ELAVL3: variants seen among roughly 807,000 people sequenced by gnomAD.
ELAVL3 encodes the protein ELAV-like protein 3.
ELAVL3 carries 8 observed loss-of-function variants against 34.2 expected under a neutral mutation model. That is an observed-to-expected ratio of 0.23 (90% CI 0.14 to 0.42). The LOEUF is 0.42. Ranked by LOEUF, ELAVL3 falls within the 10% of genes least tolerant of loss-of-function variation. The pLI, the probability that ELAVL3 is intolerant of heterozygous loss-of-function variation, is 1.00. For missense variants in ELAVL3, 273 were observed against 518.8 expected, an observed-to-expected ratio of 0.53 and a Z score of 4.60; for synonymous variants, 209 against 222.1, an observed-to-expected ratio of 0.94 and a Z score of 0.53.
In ELAVL3 at chr19:11,453,535, G is replaced by C. The variant is rs1288981744; in HGVS notation, c.*991C>G. The C allele has an allele frequency of 6.5e-6, 1 of 152,792 alleles. No homozygotes were observed. Among genetic ancestry groups the C allele is most frequent in the Non-Finnish European group, 1.5e-5 (1 of 68,060 alleles). The allele number at this position is 152,792 out of a possible 1,614,324, so 9.5% of individuals were successfully genotyped here. On this transcript the variant is annotated 3_prime_UTR_variant, in exon 7 of 7. Coordinates refer to ENST00000359227, the MANE Select transcript of ELAVL3 (RefSeq NM_001420.4). ...ATCGCTACATTCACGTGTGCACGTG[G>C]ACAGGTGGATGGATTCGTGTGCCCA...
At chr19:11,463,900 C>T (rs1008894219) in intron 3 of ELAVL3, among the ~76,000 whole-genome samples, 1 of 150,966 alleles carries the variant, frequency 6.6e-6, no homozygotes, top group Non-Finnish European at 1.5e-5. Context: ...GCCTGGGAGG[C>T]GGAGGTTGCA....
chr19:11,478,255 G>A (rs1428431255), intron 1 of ELAVL3, among the ~76,000 whole-genome samples: 1 of 152,144 alleles, frequency 6.6e-6, no homozygotes, highest in African/African-American at 2.4e-5. Context: ...AGAGGTGACT[G>A]GGTGGTTCAG....
chr19:11,472,590 A>G (rs946977901), intron 1 of ELAVL3, among the ~76,000 whole-genome samples: 21 of 151,512 alleles, frequency 1.4e-4, no homozygotes, highest in African/African-American at 4.4e-4. Flanking sequence ...GGTCCCAGGT[A>G]CTCAGGATGG....
intron 5 of ELAVL3, 49 bp from the exon 6 acceptor site, chr19:11,457,197 C>G: frequency 2.6e-6 from 4 of 1,528,924 alleles, no homozygotes; most frequent in African/African-American, 1.4e-5. Flanking sequence ...TCACGCCCCC[C>G]TGCTGTGACA....
chr19:11,464,008 A>C (rs1257520927), intron 3 of ELAVL3, among the ~76,000 whole-genome samples: 2 of 150,490 alleles, frequency 1.3e-5, no homozygotes, highest in African/African-American at 4.9e-5. Context: ...AAAAAAAAAA[A>C]CCTTATCCTA....
chr19:11,474,425 T>A (rs1445088651), intron 1 of ELAVL3, among the ~76,000 whole-genome samples: 1 of 152,104 alleles, frequency 6.6e-6, no homozygotes, highest in East Asian at 1.9e-4. Flanking sequence ...TGAAACCCTG[T>A]CTCTACTAAA....
At position 11,466,399 on chromosome 19, in the gene ELAVL3, C is replaced by T. The variant is rs1971053057; in HGVS notation, c.230-124G>A. The T allele has an allele frequency of 6.6e-6, 7 of 1,061,888 alleles. No homozygotes were observed. Among genetic ancestry groups the T allele is most frequent in the South Asian group, 1.4e-5 (1 of 71,434 alleles). The allele number at this position is 1,061,888 out of a possible 1,614,324, so 65.8% of individuals were successfully genotyped here. A position where few individuals can be genotyped will look rare whatever the true frequency, so the allele number is the denominator to read the frequency against. Reference sequence around the variant, plus strand: ...CCACCTTCCTGTTTCCAGATGACACCTTCGATGCTAGAGTCCCACCTGCCT... The same window carrying T: ...CCACCTTCCTGTTTCCAGATGACACTTTCGATGCTAGAGTCCCACCTGCCT... On this transcript the variant is annotated intron_variant, in intron 2 of 6. Transcript: ENST00000359227. This position sits in a 1 kb window ranked among gnomAD's most constrained non-coding sequence, Gnocchi z 5.0.
At chr19:11,456,181 C>CT (rs1223889194) in intron 6 of ELAVL3, among the ~76,000 whole-genome samples, 1 of 151,994 alleles carries the variant, frequency 6.6e-6, no homozygotes, top group Non-Finnish European at 1.5e-5. Context: ...TCTCAGCTCA[C>CT]TGCAACCTCC....
At chr19:11,470,291 G>C (rs1485235993) in intron 1 of ELAVL3, among the ~76,000 whole-genome samples, 1 of 152,170 alleles carries the variant, frequency 6.6e-6, no homozygotes, top group Non-Finnish European at 1.5e-5. Flanking sequence ...GGAAGTGGAG[G>C]CTGCAGTGAG....
intron 3 of ELAVL3, among the ~76,000 whole-genome samples, chr19:11,461,563 C>T (rs1970886384): frequency 6.8e-6 from 1 of 147,428 alleles, no homozygotes; most frequent in Admixed American, 6.9e-5. Context: ...CCCTTCCTTC[C>T]TTTCCTCTTT....
At position 11,452,485 on chromosome 19, in the gene ELAVL3, TTC is replaced by T. The variant is rs1284248804; in HGVS notation, c.*2039_*2040del. The T allele has an allele frequency of 6.6e-6, 1 of 151,606 alleles. No individual in the cohort carries two copies. The highest frequency in any genetic ancestry group is 2.4e-5 in the African/African-American group (1 of 41,078). The allele number at this position is 151,606 out of a possible 1,614,324, so 9.4% of individuals were successfully genotyped here. A position where few individuals can be genotyped will look rare whatever the true frequency, so the allele number is the denominator to read the frequency against. On this transcript the variant is annotated 3_prime_UTR_variant, in exon 7 of 7. Transcript: ENST00000359227. The stretch of plus-strand genomic sequence containing the variant: ...GTGCCAGTTTATGTCTTTTTTTTTT[TTC>T]CTTTTTTTTTTTTAAATCTCTTCTG...
chr19:11,476,309 C>CAGGAAGAT (rs1971262146), intron 1 of ELAVL3, among the ~76,000 whole-genome samples: 1 of 152,044 alleles, frequency 6.6e-6, no homozygotes, highest in Non-Finnish European at 1.5e-5. Flanking sequence ...GAGGCTGAGA[C>CAGGAAGAT]AGGAAGATCA....
At position 11,454,571 on chromosome 19, in the gene ELAVL3, G is replaced by A. The variant is rs191710732; in HGVS notation, c.1059C>T (p.Arg353=). The A allele has an allele frequency of 8.1e-5, 131 of 1,613,922 alleles. No individual in the cohort carries two copies. The East Asian group carries it at 2.1e-3, about 26-fold the overall frequency. ...ASLNGYRLGE[R]VLQVSFKTSK... ...TGGTCTTGAAGGAGACCTGCAGCAC[G>A]CGCTCGCCCAGGCGATAGCCGTTCA... Residue 353 remains arginine (R), a synonymous_variant, in exon 7 of 7, where the codon CGC becomes CGT. Transcript: ENST00000359227. The surrounding 1 kb of genome is among the most constrained non-coding windows in gnomAD (Gnocchi z 9.2).
At chr19:11,457,349 C>A (rs993001320) in intron 5 of ELAVL3, among the ~76,000 whole-genome samples, 3 of 152,220 alleles carry the variant, frequency 2.0e-5, no homozygotes, top group African/African-American at 7.2e-5. Flanking sequence ...CCTGCCCCAC[C>A]GCTGTCCAGC....
At chr19:11,460,413 TC>T (rs1032452365) in intron 3 of ELAVL3, among the ~76,000 whole-genome samples, 1 of 144,606 alleles carries the variant, frequency 6.9e-6, no homozygotes, top group Non-Finnish European at 1.5e-5. Flanking sequence ...CCAGGTCGCA[TC>T]CCCCCTCTGC....
intron 1 of ELAVL3, among the ~76,000 whole-genome samples, chr19:11,470,850 CTTTT>C (rs1380719171): frequency 6.6e-6 from 1 of 152,080 alleles, no homozygotes; most frequent in Non-Finnish European, 1.5e-5. Flanking sequence ...CTACAATTTT[CTTTT>C]CTTTTTTTAG....
Position 11,480,878 on chromosome 19 carries a change from G to C in ELAVL3, c.-270C>G, listed in dbSNP as rs1342927523. 2.8e-6 allele frequency: 1 copy of C among 354,770 alleles called. No homozygotes were observed. The highest frequency in any genetic ancestry group is 4.2e-5 in the East Asian group (1 of 24,022). The allele number at this position is 354,770 out of a possible 1,614,324, so 22.0% of individuals were successfully genotyped here. A position where few individuals can be genotyped will look rare whatever the true frequency, so the allele number is the denominator to read the frequency against. ...GGGCGCGGGGTTGAGGACGCCCCCT[G>C]CGCGGCCCCGCGGGGCCCGGGGAGG... is the stretch of plus-strand genomic sequence containing the variant. On this transcript the variant is annotated 5_prime_UTR_variant, in exon 1 of 7. Coordinates refer to ENST00000359227, the MANE Select transcript of ELAVL3 (RefSeq NM_001420.4). This position sits in a 1 kb window ranked among gnomAD's most constrained non-coding sequence, Gnocchi z 6.8.
chr19:11,465,725 T>C (rs1296005883), intron 3 of ELAVL3, among the ~76,000 whole-genome samples: 1 of 152,084 alleles, frequency 6.6e-6, no homozygotes, highest in Non-Finnish European at 1.5e-5. Flanking sequence ...GGGTCCCAGC[T>C]GCAGCTGCTG....
Position 11,480,572 on chromosome 19 carries a change from TCCCTTTCGGCGACAGGGG to T in ELAVL3, c.9+10_9+27del, listed in dbSNP as rs1042640510. On this transcript the variant is annotated intron_variant, in intron 1 of 6. Transcript: ENST00000359227. The surrounding 1 kb of genome is among the most constrained non-coding windows in gnomAD (Gnocchi z 6.8). ...GGGCCCAACTCCTCCCCGTCCCGAT[TCCCTTTCGGCGACAGGGG>T]AATACCTACAGTGACCATTCTTGTG... 8.0e-6 allele frequency: 12 copies of T among 1,506,776 alleles called. No homozygotes were observed. Among genetic ancestry groups the T allele is most frequent in the Non-Finnish European group, 1.1e-5 (12 of 1,128,324 alleles). The allele number at this position is 1,506,776 out of a possible 1,614,324, so 93.3% of individuals were successfully genotyped here.
Sources: gnomAD v4.1 joint callset for allele counts (sites outside exome capture counted in the v4.1 genomes callset) on GRCh38, gnomAD v4.1.1 for gene constraint, Gnocchi (gnomAD v3.1) non-coding constraint, MANE v1.5 for transcripts, NCBI Gene and HGNC (gene_info 2026-07-23, HGNC 2026-07-21) for gene names.